CDKL5: variants seen among roughly 807,000 people sequenced by gnomAD.
CDKL5 encodes the protein cyclin dependent kinase like 5.
CDKL5 carries 8 observed loss-of-function variants against 61.7 expected under a neutral mutation model. The observed-to-expected ratio is 0.13, with a 90% CI of 0.08 to 0.23. The LOEUF (loss-of-function observed/expected upper bound fraction) is 0.23, where lower values mean the gene tolerates loss of function less well. Ranked by LOEUF, CDKL5 falls within the 10% of genes least tolerant of loss-of-function variation. The pLI, the probability that CDKL5 is intolerant of heterozygous loss-of-function variation, is 1.00. For synonymous variants in CDKL5, 275 were observed against 272.3 expected (o/e 1.01, Z -0.10); for missense variants, 440 against 734.5 (o/e 0.60, Z 4.63).
intron 16 of CDKL5, among the ~76,000 whole-genome samples, chrX:18,622,860 CG>C (rs1569224136): frequency 1.8e-5 from 2 of 111,715 alleles, no homozygotes; most frequent in African/African-American, 6.5e-5. Context: ...GCCTCTTCAG[CG>C]ATGCAAGTTA....
chrX:18,609,506 C>T lies in CDKL5; in HGVS notation c.2088C>T (p.Ala696=). The change falls in exon 14 of 18, where the codon GCC becomes GCT. Residue 696 remains alanine (A), a synonymous_variant. Transcript: ENST00000623535. ...ACCCACACTCTGATGATGGCACAGC[C>T]CCCAAAGAAAATAGACACCTATACA... ...YHDPHSDDGT[A]PKENRHLYND... 2.5e-6 allele frequency: 3 copies of T among 1,211,734 alleles called. No homozygotes were observed. The highest frequency in any genetic ancestry group is 3.4e-6 in the Non-Finnish European group (3 of 895,515).
intron 1 of CDKL5, among the ~76,000 whole-genome samples, chrX:18,496,655 C>T (rs1268732996): frequency 9.0e-6 from 1 of 111,413 alleles, no homozygotes; most frequent in Non-Finnish European, 1.9e-5. Flanking sequence ...TTTTGATTGC[C>T]TTCAGGGTCT....
At chrX:18,465,158 A>G (rs1228601837) in intron 1 of CDKL5, among the ~76,000 whole-genome samples, 1 of 111,396 alleles carries the variant, frequency 9.0e-6, no homozygotes, top group Non-Finnish European at 1.9e-5. Flanking sequence ...GCCAAATGAC[A>G]GTGTCATTTG....
intron 1 of CDKL5, among the ~76,000 whole-genome samples, chrX:18,436,329 T>C (rs775961191): frequency 2.7e-5 from 3 of 110,123 alleles, no homozygotes; most frequent in Admixed American, 9.8e-5. Context: ...GCACACTCAG[T>C]GTAATTTATA....
At chrX:18,579,735 TA>T (rs1264236603) in intron 5 of CDKL5, 112 bp from the exon 6 acceptor site, 3,444 of 620,538 alleles carry the variant, frequency 5.6e-3, no homozygotes, top group Non-Finnish European at 6.4e-3. Flanking sequence ...GCAAAACAAT[TA>T]AAAAAAAAAG....
chrX:18,589,757 T>G (rs1925767690), intron 9 of CDKL5: 1 of 112,377 alleles, frequency 8.9e-6, no homozygotes, highest in African/African-American at 3.2e-5. Flanking sequence ...CCACCAACAG[T>G]GTAAAAGTGT....
intron 3 of CDKL5, among the ~76,000 whole-genome samples, chrX:18,522,376 G>A (rs1326195503): frequency 1.1e-4 from 9 of 83,104 alleles, no homozygotes; most frequent in African/African-American, 1.4e-4. Context: ...ACAGACTTTC[G>A]GTGTGTTGCC....
At chrX:18,440,350 A>G (rs1273960551) in intron 1 of CDKL5, among the ~76,000 whole-genome samples, 3 of 112,184 alleles carry the variant, frequency 2.7e-5, no homozygotes, top group Admixed American at 1.9e-4. Context: ...TCCTTTGTCC[A>G]TTCATGTTTT....
In CDKL5 at chrX:18,632,935, C is replaced by CT; in HGVS notation, c.*4185dup. 1 of 753,361 alleles carries CT rather than the reference C, an allele frequency of 1.3e-6. No homozygotes were observed. 62.1% of individuals were successfully genotyped at this position (753,361 alleles called of 1,213,427 possible). ...TTATTGAGAATGACTCATAGTACAA[C>CT]TTTTTTTCAAAGGCCAGAGGATTAC... On this transcript the variant is annotated 3_prime_UTR_variant, in exon 18 of 18. Coordinates refer to ENST00000623535, the MANE Select transcript of CDKL5 (RefSeq NM_001323289.2).
chrX:18,524,024 T>C (rs1451451540), intron 3 of CDKL5, among the ~76,000 whole-genome samples: 1 of 111,756 alleles, frequency 8.9e-6, no homozygotes, highest in Non-Finnish European at 1.9e-5. Flanking sequence ...GTACCATCTG[T>C]GAATAGGGGT....
At chrX:18,494,437 T>A (rs1380980374) in intron 1 of CDKL5, among the ~76,000 whole-genome samples, 1 of 111,327 alleles carries the variant, frequency 9.0e-6, no homozygotes, top group Non-Finnish European at 1.9e-5. Context: ...CTTTTTTTTT[T>A]AGTAGAGATG....
chrX:18,530,037 A>G (rs1235195679), intron 3 of CDKL5, among the ~76,000 whole-genome samples: 1 of 111,349 alleles, frequency 9.0e-6, no homozygotes, highest in Non-Finnish European at 1.9e-5. Context: ...CTTTTTAAAA[A>G]TCTTTATTTT....
Position 18,433,458 on chromosome X carries a change from A to G in CDKL5, c.-163+7763A>G, listed in dbSNP as rs183899628. Among the ~76,000 whole-genome samples, 456 of 111,570 alleles carry G rather than the reference A, an allele frequency of 4.1e-3. 2 individuals are homozygous for G. Among genetic ancestry groups the G allele is most frequent in the African/African-American group, 0.014 (442 of 30,767 alleles). On this transcript the variant is annotated intron_variant, in intron 1 of 17. Transcript: ENST00000623535. ...CCAGCTACTCGGGAGCCTGAGGCAG[A>G]AGAATTGCTTAAACCGGGGAGGTGG...
chrX:18,517,827 G>A (rs1923075927), intron 3 of CDKL5, among the ~76,000 whole-genome samples: 1 of 111,627 alleles, frequency 9.0e-6, no homozygotes, highest in Non-Finnish European at 1.9e-5. Context: ...CCAACATGGT[G>A]AAACCCCATC....
chrX:18,448,669 C>T (rs936471848), intron 1 of CDKL5, among the ~76,000 whole-genome samples: 8 of 111,113 alleles, frequency 7.2e-5, no homozygotes, highest in Admixed American at 5.8e-4. Flanking sequence ...TTCAGAGAGC[C>T]AGGGCTTGGT....
intron 1 of CDKL5, among the ~76,000 whole-genome samples, chrX:18,427,330 G>A (rs190489231): frequency 2.9e-5 from 3 of 103,967 alleles, no homozygotes; most frequent in Non-Finnish European, 5.9e-5. Flanking sequence ...CGGGGGTTGG[G>A]GGGGAGGTGA....
chrX:18,539,682 T>C (rs1331629256), intron 3 of CDKL5, among the ~76,000 whole-genome samples: 1 of 111,865 alleles, frequency 8.9e-6, no homozygotes, highest in African/African-American at 3.3e-5. Context: ...TGTATTCTGC[T>C]GCTGTTGGGT....
In CDKL5 at chrX:18,634,485, A is replaced by G; in HGVS notation, c.*5728A>G. ...ACTCTGTAGAGTTTCATGGAAAAAC[A>G]AAACAAAACAAAAAAGATGCTTATC... On this transcript the variant is annotated 3_prime_UTR_variant, in exon 18 of 18. Coordinates refer to ENST00000623535, the MANE Select transcript of CDKL5 (RefSeq NM_001323289.2). 1.3e-6 allele frequency: 1 copy of G among 754,299 alleles called. No individual in the cohort carries two copies. Among genetic ancestry groups the G allele is most frequent in the Non-Finnish European group, 1.6e-6 (1 of 639,328 alleles). The allele number at this position is 754,299 out of a possible 1,213,427, so 62.2% of individuals were successfully genotyped here. A position where few individuals can be genotyped will look rare whatever the true frequency, so the allele number is the denominator to read the frequency against.
chrX:18,494,144 G>A (rs1922084537), intron 1 of CDKL5, among the ~76,000 whole-genome samples: 1 of 112,435 alleles, frequency 8.9e-6, no homozygotes, highest in Non-Finnish European at 1.9e-5. Flanking sequence ...TCAAACTCCT[G>A]GAGTCAAGCG....
Sources: gnomAD v4.1 joint callset for allele counts (sites outside exome capture counted in the v4.1 genomes callset) on GRCh38, gnomAD v4.1.1 for gene constraint, MANE v1.5 for transcripts, NCBI Gene and HGNC (gene_info 2026-07-23, HGNC 2026-07-21) for gene names.